SEPTIN9: variants seen among roughly 807,000 people sequenced by gnomAD.
SEPTIN9 encodes septin 9.
SEPTIN9 carries 13 observed loss-of-function variants against 56.6 expected under a neutral mutation model. The observed-to-expected ratio is 0.23, with a 90% CI of 0.15 to 0.37. SEPTIN9 has a LOEUF of 0.37. Among genes scored for constraint, SEPTIN9 ranks in the 10% least tolerant of loss-of-function variants. The pLI is 1.00. For missense variants in SEPTIN9, 650 were observed against 823.1 expected (o/e 0.79, Z 2.57); for synonymous variants, 332 against 334.1 (o/e 0.99, Z 0.07).
chr17:77,352,558 G>A (rs1437968558), intron 2 of SEPTIN9, among the ~76,000 whole-genome samples: 2 of 152,150 alleles, frequency 1.3e-5, no homozygotes, highest in African/African-American at 2.4e-5. Context: ...GCTCTGCGGC[G>A]GCCAGCAACC....
At chr17:77,423,832 G>T (rs1479879145) in intron 3 of SEPTIN9, among the ~76,000 whole-genome samples, 1 of 152,220 alleles carries the variant, frequency 6.6e-6, no homozygotes, top group African/African-American at 2.4e-5. Flanking sequence ...GTAGGGGAAG[G>T]TCAGAGAGAG....
chr17:77,397,874 C>T (rs907452909), intron 2 of SEPTIN9, among the ~76,000 whole-genome samples: 1 of 152,184 alleles, frequency 6.6e-6, no homozygotes, highest in African/African-American at 2.4e-5. Flanking sequence ...TGGTTTCGAA[C>T]TCCTGACCTC....
At chr17:77,454,696 C>T (rs796860948) in intron 3 of SEPTIN9, among the ~76,000 whole-genome samples, 23 of 152,344 alleles carry the variant, frequency 1.5e-4, no homozygotes, top group African/African-American at 5.5e-4. Flanking sequence ...CGCCGCCGCT[C>T]AGCCTCTTCC....
chr17:77,440,554 T>G (rs2037507929), intron 3 of SEPTIN9, among the ~76,000 whole-genome samples: 1 of 152,254 alleles, frequency 6.6e-6, no homozygotes, highest in African/African-American at 2.4e-5. Context: ...GAGCAGCTGC[T>G]GCTTATTCCT....
At chr17:77,467,879 A>C (rs1468133215) in intron 3 of SEPTIN9, among the ~76,000 whole-genome samples, 2 of 152,110 alleles carry the variant, frequency 1.3e-5, no homozygotes, top group East Asian at 3.9e-4. Flanking sequence ...ACTCATTCAC[A>C]GCGTCTTACT....
intron 2 of SEPTIN9, among the ~76,000 whole-genome samples, chr17:77,321,070 G>A (rs947232905): frequency 6.6e-5 from 10 of 152,192 alleles, no homozygotes; most frequent in East Asian, 1.9e-4. Context: ...ATGCGGTGCC[G>A]TGGCTGCCAT....
chr17:77,486,521 TGC>T (rs1555679120), intron 4 of SEPTIN9, among the ~76,000 whole-genome samples: 1 of 120,204 alleles, frequency 8.3e-6, no homozygotes, highest in African/African-American at 4.0e-5. Context: ...TGTGTGTGTG[TGC>T]GCGCACGCGC....
chr17:77,343,003 G>GTCTGTCTGTCTATCTATCTATCTA (rs71160228), intron 2 of SEPTIN9, among the ~76,000 whole-genome samples: 31 of 147,252 alleles, frequency 2.1e-4, no homozygotes, highest in South Asian at 6.6e-4. Context: ...CTGTCTGTCT[G>GTCTGTCTGTCTATCTATCTATCTA]TCTATCTATC....
chr17:77,399,483 G>A (rs2035833108), intron 2 of SEPTIN9, among the ~76,000 whole-genome samples: 1 of 152,166 alleles, frequency 6.6e-6, no homozygotes, highest in Non-Finnish European at 1.5e-5. Context: ...GCAGATCAGA[G>A]GACCGCGGGA....
chr17:77,291,140 A>G (rs1188578734), intron 1 of SEPTIN9, among the ~76,000 whole-genome samples: 1 of 149,150 alleles, frequency 6.7e-6, no homozygotes, highest in East Asian at 2.1e-4. Flanking sequence ...GATTAAAGCA[A>G]TTCTCCTGCC....
chr17:77,406,575 G>C (rs1455527162), intron 3 of SEPTIN9, among the ~76,000 whole-genome samples: 1 of 151,932 alleles, frequency 6.6e-6, no homozygotes, highest in African/African-American at 2.4e-5. Context: ...CGATATCCAT[G>C]CTTGAGGTTT....
intron 2 of SEPTIN9, among the ~76,000 whole-genome samples, chr17:77,320,504 A>C (rs773595658): frequency 2.6e-4 from 39 of 152,084 alleles, no homozygotes; most frequent in South Asian, 1.0e-3. Flanking sequence ...CGTGGGATGA[A>C]CTCCGTCTCA....
intron 10 of SEPTIN9, among the ~76,000 whole-genome samples, chr17:77,495,670 C>T (rs186335982): frequency 6.6e-5 from 10 of 152,332 alleles, no homozygotes; most frequent in African/African-American, 2.2e-4. Context: ...TTCTTCCTGC[C>T]GGCTCTCGCT....
At position 77,487,250 on chromosome 17, in the gene SEPTIN9, G is replaced by A. The variant is rs1414681731; in HGVS notation, c.914-174G>A. On this transcript the variant is annotated intron_variant, in intron 4 of 11. Coordinates refer to ENST00000427177, the MANE Select transcript of SEPTIN9 (RefSeq NM_001113491.2). This position sits in a 1 kb window ranked among gnomAD's most constrained non-coding sequence, Gnocchi z 4.3. ...GGGTTTACACAGTCACTGGACACCC[G>A]GCTCGAGGGTGAAGTCCTCGGGGGC... 3.9e-4 allele frequency among the ~76,000 whole-genome samples: 59 copies of A among 152,164 alleles called. No individual in the cohort carries two copies. The highest frequency in any genetic ancestry group is 3.1e-3 in the Admixed American group (47 of 15,274).
chr17:77,405,109 C>T lies in SEPTIN9; in HGVS notation c.721+2406C>T, dbSNP rs12601411. The T allele has an allele frequency of 8.1e-3, 12,400 of 1,535,280 alleles. 656 individuals carry two copies. The East Asian group carries it at 0.15, about 19-fold the overall frequency. On this transcript the variant is annotated intron_variant, in intron 3 of 11. Transcript: ENST00000427177. The surrounding 1 kb of genome is among the most constrained non-coding windows in gnomAD (Gnocchi z 5.8). The stretch of plus-strand genomic sequence containing the variant: ...TCTCGGTGATGGCTGGTGCTGGATG[C>T]ACAGGGACGTGGTCCTGGCTCTGGG...
chr17:77,420,270 G>C (rs1371745320), intron 3 of SEPTIN9, among the ~76,000 whole-genome samples: 1 of 152,198 alleles, frequency 6.6e-6, no homozygotes, highest in Admixed American at 6.5e-5. Flanking sequence ...CGGACAGCCC[G>C]GCTCAGTGAT....
chr17:77,410,680 G>A (rs1016231159), intron 3 of SEPTIN9, among the ~76,000 whole-genome samples: 1 of 152,196 alleles, frequency 6.6e-6, no homozygotes, highest in African/African-American at 2.4e-5. Context: ...GTGATGATTC[G>A]TGAAGCAGGG....
At chr17:77,469,915 T>C (rs1487211705) in intron 3 of SEPTIN9, among the ~76,000 whole-genome samples, 4 of 119,146 alleles carry the variant, frequency 3.4e-5, no homozygotes, top group African/African-American at 6.8e-5. Context: ...ATCCACTCAT[T>C]TACCCATCTA....
intron 1 of SEPTIN9, chr17:77,288,164 G>C (rs776540902): frequency 3.5e-5 from 37 of 1,060,140 alleles, no homozygotes; most frequent in Admixed American, 2.2e-4. Context: ...GTCCAGGCAG[G>C]AGTGTCATCT....
Sources: allele counts gnomAD v4.1 joint callset (sites outside exome capture counted in the v4.1 genomes callset), GRCh38; gene constraint gnomAD v4.1.1; non-coding constraint Gnocchi (gnomAD v3.1); transcripts MANE v1.5; gene names NCBI Gene and HGNC (gene_info 2026-07-23, HGNC 2026-07-21).